The following PAX3 variants were observed in gnomAD, a reference collection of about 807,000 sequenced individuals.
PAX3 encodes the protein paired box protein Pax-3.
A neutral mutation model predicts 51.6 loss-of-function variants in PAX3; 14 were observed. The ratio of observed to expected loss-of-function variants is 0.27; its 90% CI spans 0.18 to 0.42. The LOEUF is 0.42. Among genes scored for constraint, PAX3 ranks in the 10% least tolerant of loss-of-function variants. PAX3 has a pLI of 1.00. For synonymous variants in PAX3, 280 were observed against 253.4 expected, an observed-to-expected ratio of 1.11 and a Z score of -1.00; for missense variants, 540 against 642.8, an observed-to-expected ratio of 0.84 and a Z score of 1.73.
intron 4 of PAX3, among the ~76,000 whole-genome samples, chr2:222,233,396 C>G (rs1692682962): frequency 6.6e-6 from 1 of 152,112 alleles, no homozygotes; most frequent in African/African-American, 2.4e-5. Context: ...GGTTAGTACT[C>G]CTGTAAGAAC....
At chr2:222,277,964 T>G (rs1574735771) in intron 4 of PAX3, among the ~76,000 whole-genome samples, 2 of 139,356 alleles carry the variant, frequency 1.4e-5, no homozygotes, top group Admixed American at 7.3e-5. Flanking sequence ...AGTTTTTGTG[T>G]GATTTCTTTT....
chr2:222,257,184 T>C lies in PAX3; in HGVS notation c.587-24901A>G, dbSNP rs530619503. 6.7e-5 allele frequency among the ~76,000 whole-genome samples: 10 copies of C among 149,662 alleles called. No homozygotes were observed. The Admixed American group carries it at 6.9e-4, about 10-fold the overall frequency. On this transcript the variant is annotated intron_variant, in intron 4 of 8. Transcript: ENST00000392070. ...GCTCTTAGCAGGGACACAGTAAACA[T>C]CCGCTGCATAAATGGCTCAGCATTT...
chr2:222,237,309 T>G, intron 4 of PAX3, among the ~76,000 whole-genome samples: 1 of 136,540 alleles, frequency 7.3e-6, no homozygotes, highest in Non-Finnish European at 1.6e-5. Context: ...AAATGAGTGT[T>G]GAGTCTTTTA....
At chr2:222,256,350 C>T (rs571115442) in intron 4 of PAX3, among the ~76,000 whole-genome samples, 11 of 152,126 alleles carry the variant, frequency 7.2e-5, no homozygotes, top group Non-Finnish European at 1.3e-4. Context: ...TGGACGACGC[C>T]TTGATAGGAG....
At chr2:222,218,213 G>A (rs1387388653) in intron 7 of PAX3, among the ~76,000 whole-genome samples, 1 of 152,170 alleles carries the variant, frequency 6.6e-6, no homozygotes, top group Non-Finnish European at 1.5e-5. Flanking sequence ...GTATTAGAAT[G>A]ATTTTGCTCT....
chr2:222,215,338 A>G (rs1251908103), intron 7 of PAX3, among the ~76,000 whole-genome samples: 1 of 152,210 alleles, frequency 6.6e-6, no homozygotes, highest in Non-Finnish European at 1.5e-5. Context: ...GCAATGGTTG[A>G]TGAACCCTAA....
At chr2:222,202,466 A>T (rs1220134749) in intron 7 of PAX3, among the ~76,000 whole-genome samples, 1 of 151,870 alleles carries the variant, frequency 6.6e-6, no homozygotes, top group Non-Finnish European at 1.5e-5. Context: ...GGAAAGAGAG[A>T]GATTACACCA....
chr2:222,228,491 G>A (rs1036964202), intron 5 of PAX3, among the ~76,000 whole-genome samples: 4 of 152,116 alleles, frequency 2.6e-5, no homozygotes, highest in African/African-American at 7.2e-5. Context: ...AATATATTCT[G>A]TCTCCATCCT....
Position 222,200,643 on chromosome 2 carries a change from G to C in PAX3, c.*765C>G, listed in dbSNP as rs1691253795. 1 of 251,110 alleles carries C rather than the reference G, an allele frequency of 4.0e-6. No individual in the cohort carries two copies. Among genetic ancestry groups the C allele is most frequent in the South Asian group, 1.3e-4 (1 of 7,840 alleles). 15.6% of individuals were successfully genotyped at this position (251,110 alleles called of 1,614,324 possible). A position where few individuals can be genotyped will look rare whatever the true frequency, so the allele number is the denominator to read the frequency against. Reference sequence around the variant, plus strand: ...CGTGCCCTTCCTCCAACCCAGGTGGGCTACCAAATAAATGTGAACTGGAAA... The same window carrying C: ...CGTGCCCTTCCTCCAACCCAGGTGGCCTACCAAATAAATGTGAACTGGAAA... On this transcript the variant is annotated 3_prime_UTR_variant, in exon 9 of 9. Coordinates refer to ENST00000392070, the MANE Select transcript of PAX3 (RefSeq NM_181458.4).
chr2:222,240,998 T>A (rs4674638), intron 4 of PAX3, among the ~76,000 whole-genome samples: 35,446 of 152,070 alleles, frequency 0.23, 4,522 homozygotes, highest in East Asian at 0.54. Context: ...CTAACAGCAT[T>A]TTAAGAATAG....
intron 4 of PAX3, among the ~76,000 whole-genome samples, chr2:222,249,840 A>G (rs562628451): frequency 5.9e-5 from 9 of 152,076 alleles, no homozygotes; most frequent in Non-Finnish European, 1.2e-4. Context: ...TCCCTAAATA[A>G]CAGTAACGAC....
intron 5 of PAX3, among the ~76,000 whole-genome samples, chr2:222,223,597 A>G (rs535818664): frequency 6.6e-6 from 1 of 152,288 alleles, no homozygotes; most frequent in South Asian, 2.1e-4. Context: ...CTGTACCATA[A>G]CACACACTGT....
intron 4 of PAX3, among the ~76,000 whole-genome samples, chr2:222,233,875 C>T (rs1326227490): frequency 6.6e-6 from 1 of 152,176 alleles, no homozygotes; most frequent in Non-Finnish European, 1.5e-5. Context: ...GTCAATGTCA[C>T]ACTAACTCAT....
chr2:222,291,893 G>T (rs1695052398), intron 4 of PAX3, among the ~76,000 whole-genome samples: 1 of 151,680 alleles, frequency 6.6e-6, no homozygotes, highest in Non-Finnish European at 1.5e-5. Flanking sequence ...CATCTAAAAA[G>T]GAGCTAGAGA....
At chr2:222,242,188 G>A (rs1038893529) in intron 4 of PAX3, among the ~76,000 whole-genome samples, 9 of 151,760 alleles carry the variant, frequency 5.9e-5, no homozygotes, top group Non-Finnish European at 1.0e-4. Flanking sequence ...TTGAAACCAC[G>A]TTTTTTTTGA....
chr2:222,287,452 A>G (rs558756211), intron 4 of PAX3: 7 of 152,296 alleles, frequency 4.6e-5, no homozygotes, highest in African/African-American at 1.7e-4. Flanking sequence ...TGGGTCAGCA[A>G]TTTTGAGTTG....
chr2:222,238,438 C>CA (rs1336479882), intron 4 of PAX3, among the ~76,000 whole-genome samples: 1 of 151,866 alleles, frequency 6.6e-6, no homozygotes, highest in Non-Finnish European at 1.5e-5. Flanking sequence ...GGGAGACAGG[C>CA]AAAAAATGGA....
At chr2:222,295,149 A>G (rs1695226816) in intron 3 of PAX3, among the ~76,000 whole-genome samples, 1 of 152,050 alleles carries the variant, frequency 6.6e-6, no homozygotes, top group African/African-American at 2.4e-5. Flanking sequence ...CTTTGCGCAC[A>G]CGGCAAAGTC....
chr2:222,230,354 T>G lies in PAX3; in HGVS notation c.792+1724A>C, dbSNP rs1341250513. On this transcript the variant is annotated intron_variant, in intron 5 of 8. Transcript: ENST00000392070. Reference sequence around the variant, plus strand: ...GCATGTTCTCACTCATGAGTGAGAGTTGAACAATGAGAACACATGGACACA... The same window carrying G: ...GCATGTTCTCACTCATGAGTGAGAGGTGAACAATGAGAACACATGGACACA... 2.1e-5 allele frequency among the ~76,000 whole-genome samples: 3 copies of G among 146,240 alleles called. No individual in the cohort carries two copies. The East Asian group carries it at 6.1e-4, about 30-fold the overall frequency.
Sources: allele counts gnomAD v4.1 joint callset (sites outside exome capture counted in the v4.1 genomes callset), GRCh38; gene constraint gnomAD v4.1.1; transcripts MANE v1.5; gene names NCBI Gene and HGNC (gene_info 2026-07-23, HGNC 2026-07-21).